Variants in INPP4B observed in about 807,000 individuals in gnomAD.
INPP4B encodes the protein inositol polyphosphate-4-phosphatase type II B, also known as inositol polyphosphate 4-phosphatase type II.
A neutral mutation model predicts 122.5 loss-of-function variants in INPP4B; 55 were observed. That is an observed-to-expected ratio of 0.45 (90% CI 0.36 to 0.56). INPP4B has a LOEUF of 0.56. INPP4B is among the 20% of genes least tolerant of loss of function. INPP4B has a pLI of 0.00. For synonymous variants in INPP4B, 403 were observed against 388.7 expected (o/e 1.04, Z -0.43); for missense variants, 1,000 against 1,097.7 (o/e 0.91, Z 1.26).
At chr4:142,064,147 T>A (rs1193672516) in intron 25 of INPP4B, among the ~76,000 whole-genome samples, 1 of 152,198 alleles carries the variant, frequency 6.6e-6, no homozygotes, top group East Asian at 1.9e-4. Context: ...TGCTACAACA[T>A]TGTTGTACAG....
rs1371682728 is a variant in INPP4B, at chr4:142,043,547, ACATGGAAAGC to A, written c.2643-14643_2643-14634del. ...TAGGTGAGATAGAGGGGTATAAATA[ACATGGAAAGC>A]CATGGAAAGAAGAATGGCAGATGTA... On this transcript the variant is annotated intron_variant, in intron 25 of 25. Transcript: ENST00000262992. 4.6e-5 allele frequency among the ~76,000 whole-genome samples: 7 copies of A among 152,290 alleles called. No homozygotes were observed. In the East Asian group the frequency reaches 1.4e-3, roughly 29 times the overall value.
chr4:142,335,504 C>A (rs775076252), intron 7 of INPP4B, among the ~76,000 whole-genome samples: 2 of 152,168 alleles, frequency 1.3e-5, no homozygotes, highest in Non-Finnish European at 2.9e-5. Flanking sequence ...GATGTCTTTG[C>A]TTCCTAAGTA....
intron 2 of INPP4B, among the ~76,000 whole-genome samples, chr4:142,574,998 T>C (rs1415506532): frequency 6.6e-6 from 1 of 152,060 alleles, no homozygotes; most frequent in Non-Finnish European, 1.5e-5. Flanking sequence ...TTTCCCTAAA[T>C]AACATTTCGC....
intron 2 of INPP4B, among the ~76,000 whole-genome samples, chr4:142,683,691 CCA>C (rs1266727874): frequency 6.6e-6 from 1 of 151,718 alleles, no homozygotes; most frequent in Non-Finnish European, 1.5e-5. Flanking sequence ...GCCTTTCTGT[CCA>C]GTTATTGTGA....
chr4:142,375,690 T>C (rs72724531), intron 7 of INPP4B, among the ~76,000 whole-genome samples: 28,060 of 151,908 alleles, frequency 0.18, 3,161 homozygotes, highest in African/African-American at 0.31. Context: ...CTTTGCTTCC[T>C]GGCTTATAAA....
intron 15 of INPP4B, among the ~76,000 whole-genome samples, chr4:142,179,567 A>ATG (rs11271464): frequency 5.3e-5 from 8 of 151,850 alleles, no homozygotes; most frequent in South Asian, 2.1e-4. Context: ...TCTGTGAAAA[A>ATG]AAAAACATTC....
chr4:142,416,427 G>T (rs1161123651), intron 5 of INPP4B, among the ~76,000 whole-genome samples: 1 of 152,122 alleles, frequency 6.6e-6, no homozygotes, highest in Non-Finnish European at 1.5e-5. Flanking sequence ...TTAAGGGCTT[G>T]AATTTTAGGA....
chr4:142,578,670 C>T (rs942865584), intron 2 of INPP4B, among the ~76,000 whole-genome samples: 4 of 151,916 alleles, frequency 2.6e-5, no homozygotes, highest in Non-Finnish European at 5.9e-5. Flanking sequence ...TTAATCACCT[C>T]TTTCAACCCT....
chr4:142,285,120 T>C (rs1752932051), intron 9 of INPP4B, among the ~76,000 whole-genome samples: 4 of 151,678 alleles, frequency 2.6e-5, no homozygotes, highest in Admixed American at 2.6e-4. Context: ...AGAGAGGTGA[T>C]AGAACTCAGA....
chr4:142,270,824 C>A (rs946363595), intron 9 of INPP4B, 50 bp from the exon 10 acceptor site: 2 of 1,138,292 alleles, frequency 1.8e-6, no homozygotes, highest in South Asian at 1.2e-5. Flanking sequence ...TCTCTCTCCC[C>A]CAAAAATATC....
chr4:142,636,520 G>C (rs1439037728), intron 2 of INPP4B, among the ~76,000 whole-genome samples: 1 of 152,024 alleles, frequency 6.6e-6, no homozygotes, highest in Non-Finnish European at 1.5e-5. Context: ...ATTATTGTTA[G>C]TCCAGTGAAA....
At chr4:142,223,206 ACACACACACT>A (rs1400184382) in intron 12 of INPP4B, among the ~76,000 whole-genome samples, 1 of 151,938 alleles carries the variant, frequency 6.6e-6, no homozygotes, top group East Asian at 1.9e-4. Context: ...ACACACACAC[ACACACACACT>A]CACACACACA....
chr4:142,190,745 T>C lies in INPP4B; in HGVS notation c.1181+2342A>G, dbSNP rs531808986. ...GTGTGTGTGTGTGTGTGTGTGTGTG[T>C]GCGCGTGTGTGTTGATATGTAACAT... On this transcript the variant is annotated intron_variant, in intron 15 of 25. Coordinates refer to ENST00000262992, the MANE Select transcript of INPP4B (RefSeq NM_001101669.3). Among the ~76,000 whole-genome samples the C allele has an allele frequency of 1.7e-3, 224 of 128,528 alleles. 1 individual carries two copies. The highest frequency in any genetic ancestry group is 1.1e-3 in the Non-Finnish European group (69 of 64,902). 84.3% of individuals were successfully genotyped at this position (128,528 alleles called of 152,430 possible).
chr4:142,312,018 T>C (rs1765689266), intron 8 of INPP4B, among the ~76,000 whole-genome samples: 1 of 152,188 alleles, frequency 6.6e-6, no homozygotes, highest in African/African-American at 2.4e-5. Flanking sequence ...TCATTAGTTT[T>C]AAGCCAGTTT....
intron 1 of INPP4B, among the ~76,000 whole-genome samples, chr4:142,794,171 T>C (rs534371776): frequency 6.6e-6 from 1 of 152,136 alleles, no homozygotes; most frequent in East Asian, 1.9e-4. Flanking sequence ...TCGAGAATAG[T>C]CAAGACATTA....
chr4:142,073,896 A>C (rs1226332046), intron 25 of INPP4B, among the ~76,000 whole-genome samples: 1 of 151,920 alleles, frequency 6.6e-6, no homozygotes, highest in Non-Finnish European at 1.5e-5. Flanking sequence ...GCTACACCTC[A>C]TTTTCCAAGT....
At chr4:142,402,852 T>C (rs905264145) in intron 7 of INPP4B, 86 bp downstream of exon 7, 12 of 775,526 alleles carry the variant, frequency 1.5e-5, no homozygotes, top group African/African-American at 3.4e-5. Context: ...AATATCCTCT[T>C]TGAAAAATGT....
At chr4:142,302,218 C>T (rs1761728815) in intron 9 of INPP4B, among the ~76,000 whole-genome samples, 2 of 152,094 alleles carry the variant, frequency 1.3e-5, no homozygotes, top group African/African-American at 2.4e-5. Context: ...TTAACATTCC[C>T]AAGTTCTCCC....
chr4:142,590,609 G>A (rs930323178), intron 2 of INPP4B, among the ~76,000 whole-genome samples: 1 of 152,046 alleles, frequency 6.6e-6, no homozygotes, highest in African/African-American at 2.4e-5. Flanking sequence ...AGCAACAGGA[G>A]GAGGCTAGAA....
Sources: gnomAD v4.1 joint callset for allele counts (sites outside exome capture counted in the v4.1 genomes callset) on GRCh38, gnomAD v4.1.1 for gene constraint, MANE v1.5 for transcripts, NCBI Gene and HGNC (gene_info 2026-07-23, HGNC 2026-07-21) for gene names.